Variants in ADAMTSL1 observed in about 807,000 individuals in gnomAD.
ADAMTSL1 encodes ADAMTS like 1, also known as ADAMTS-like protein 1.
Under a neutral mutation model 201.8 loss-of-function variants are expected in ADAMTSL1, and 126 were observed. That is an observed-to-expected ratio of 0.62 (90% confidence interval 0.54 to 0.72). The LOEUF is 0.72. ADAMTSL1 is among the 30% of genes least tolerant of loss of function. ADAMTSL1 has a pLI of 0.00. For synonymous variants in ADAMTSL1, 1,121 were observed against 903.4 expected, an observed-to-expected ratio of 1.24 and a Z score of -4.32; for missense variants, 2,679 against 2,277.8, an observed-to-expected ratio of 1.18 and a Z score of -3.59.
At chr9:18,073,964 T>A (rs929396036) in intron 1 of ADAMTSL1, among the ~76,000 whole-genome samples, 12 of 134,772 alleles carry the variant, frequency 8.9e-5, no homozygotes, top group African/African-American at 3.1e-4. Flanking sequence ...GTTTCATGCC[T>A]TGTTGTAAAA....
intron 7 of ADAMTSL1, among the ~76,000 whole-genome samples, chr9:18,641,907 T>G (rs1217302099): frequency 6.6e-6 from 1 of 151,968 alleles, no homozygotes; most frequent in Non-Finnish European, 1.5e-5. Flanking sequence ...ATAATACATA[T>G]GTATAGTTGA....
chr9:18,514,338 T>C (rs1403271941), intron 2 of ADAMTSL1, among the ~76,000 whole-genome samples: 1 of 139,502 alleles, frequency 7.2e-6, no homozygotes, highest in Non-Finnish European at 1.5e-5. Flanking sequence ...TTTTTTTTTT[T>C]TTTTTTTTTT....
intron 3 of ADAMTSL1, among the ~76,000 whole-genome samples, chr9:18,547,631 TATA>T (rs1426575331): frequency 1.6e-4 from 13 of 83,292 alleles, no homozygotes; most frequent in African/African-American, 6.2e-4. Context: ...TGTATATATA[TATA>T]AAAAAAAAAA....
At chr9:18,893,364 G>A (rs536212724) in intron 26 of ADAMTSL1, among the ~76,000 whole-genome samples, 67 of 152,288 alleles carry the variant, frequency 4.4e-4, no homozygotes, top group Non-Finnish European at 8.2e-4. Flanking sequence ...GACGTATGGT[G>A]CACCAGTGAT....
intron 21 of ADAMTSL1, among the ~76,000 whole-genome samples, chr9:18,822,940 G>A (rs982579469): frequency 1.3e-5 from 2 of 152,088 alleles, no homozygotes; most frequent in African/African-American, 2.4e-5. Context: ...GTTTTTTAAA[G>A]CGTCGTTGTC....
intron 1 of ADAMTSL1, among the ~76,000 whole-genome samples, chr9:18,100,411 G>T (rs936166385): frequency 2.0e-5 from 3 of 152,136 alleles, no homozygotes; most frequent in African/African-American, 7.2e-5. Flanking sequence ...CTCCAGAGTA[G>T]CTGGGACTAC....
chr9:18,782,019 A>G (rs1461741467), intron 19 of ADAMTSL1, among the ~76,000 whole-genome samples: 2 of 152,238 alleles, frequency 1.3e-5, no homozygotes, highest in Non-Finnish European at 2.9e-5. Context: ...CTTCTCAAGC[A>G]GTCGTTTACA....
intron 1 of ADAMTSL1, among the ~76,000 whole-genome samples, chr9:18,070,245 T>C (rs1437887368): frequency 6.6e-6 from 1 of 152,160 alleles, no homozygotes; most frequent in African/African-American, 2.4e-5. Context: ...GAGGAAAACA[T>C]GTCCTGAAGG....
At chr9:18,170,639 AAAGAG>A (rs1442841168) in intron 2 of ADAMTSL1, among the ~76,000 whole-genome samples, 2 of 152,076 alleles carry the variant, frequency 1.3e-5, no homozygotes, top group Non-Finnish European at 2.9e-5. Flanking sequence ...TAAATAAGAG[AAAGAG>A]AAAAGAGGAA....
At chr9:18,449,882 G>A (rs1820338771) in intron 2 of ADAMTSL1, among the ~76,000 whole-genome samples, 1 of 152,196 alleles carries the variant, frequency 6.6e-6, no homozygotes, top group African/African-American at 2.4e-5. Context: ...GCAGTAGTAA[G>A]TGCTGGCAAG....
intron 4 of ADAMTSL1, among the ~76,000 whole-genome samples, chr9:18,589,871 T>A (rs1172317756): frequency 6.6e-6 from 1 of 152,202 alleles, no homozygotes; most frequent in Admixed American, 6.5e-5. Flanking sequence ...TGTATCATTA[T>A]TAATTTGTAA....
chr9:18,839,874 A>T (rs1040854462), intron 23 of ADAMTSL1, among the ~76,000 whole-genome samples: 82 of 148,596 alleles, frequency 5.5e-4, no homozygotes, highest in African/African-American at 2.0e-3. Flanking sequence ...CCACTTTTGG[A>T]TGGGGTTCTT....
intron 16 of ADAMTSL1, 73 bp downstream of exon 16, chr9:18,753,581 AG>A (rs1819586173): frequency 6.6e-7 from 1 of 1,514,250 alleles, no homozygotes; most frequent in Admixed American, 1.9e-5. Context: ...GCTCTCTCAG[AG>A]TGGTTTTGTC....
At chr9:18,153,503 C>T (rs1298623382) in intron 1 of ADAMTSL1, among the ~76,000 whole-genome samples, 1 of 152,026 alleles carries the variant, frequency 6.6e-6, no homozygotes, top group Non-Finnish European at 1.5e-5. Context: ...GAGTGGTGAG[C>T]ATGATAGCAG....
chr9:18,287,579 A>T (rs1833048663), intron 2 of ADAMTSL1, among the ~76,000 whole-genome samples: 1 of 118,408 alleles, frequency 8.4e-6, no homozygotes, highest in Non-Finnish European at 1.8e-5. Flanking sequence ...ATATGTAAAT[A>T]TATGTGTATA....
intron 12 of ADAMTSL1, among the ~76,000 whole-genome samples, chr9:18,683,108 A>C (rs959672600): frequency 6.6e-6 from 1 of 152,246 alleles, no homozygotes; most frequent in Non-Finnish European, 1.5e-5. Context: ...GACAGGATTT[A>C]GTTCAAAACA....
chr9:18,536,211 G>C (rs1315832387), intron 3 of ADAMTSL1, among the ~76,000 whole-genome samples: 1 of 152,156 alleles, frequency 6.6e-6, no homozygotes, highest in African/African-American at 2.4e-5. Context: ...GAACAATTCA[G>C]TTAAATATTC....
intron 1 of ADAMTSL1, among the ~76,000 whole-genome samples, chr9:18,024,388 G>A (rs1325733106): frequency 2.0e-5 from 3 of 151,894 alleles, no homozygotes; most frequent in African/African-American, 4.8e-5. Flanking sequence ...GTAACCAATA[G>A]GTAGCTTCTC....
intron 23 of ADAMTSL1, among the ~76,000 whole-genome samples, chr9:18,885,153 T>C (rs944140879): frequency 1.3e-5 from 2 of 152,222 alleles, no homozygotes; most frequent in Non-Finnish European, 2.9e-5. Context: ...CTAGGTAATT[T>C]ATAATGAACA....
Sources: allele counts gnomAD v4.1 joint callset (sites outside exome capture counted in the v4.1 genomes callset), GRCh38; gene constraint gnomAD v4.1.1; transcripts MANE v1.5; gene names NCBI Gene and HGNC (gene_info 2026-07-23, HGNC 2026-07-21).